AVEN: variants seen among roughly 807,000 people sequenced by gnomAD.
AVEN encodes apoptosis and caspase activation inhibitor.
AVEN carries 41 observed loss-of-function variants against 38.1 expected under a neutral mutation model. The observed-to-expected ratio is 1.08, with a 90% CI of 0.84 to 1.40. The LOEUF is 1.40. Among genes scored for constraint, AVEN ranks in the 40% most tolerant of loss-of-function variants. AVEN has a pLI of 0.00. For missense variants in AVEN, 605 were observed against 438.8 expected (o/e 1.38, Z -3.38); for synonymous variants, 206 against 171.8 (o/e 1.20, Z -1.56).
Position 33,921,412 on chromosome 15 carries a change from G to A in AVEN, c.446-45417C>T, listed in dbSNP as rs143789224. Among the ~76,000 whole-genome samples the A allele has an allele frequency of 4.0e-3, 530 of 130,890 alleles. 4 individuals are homozygous for A. Among genetic ancestry groups the A allele is most frequent in the African/African-American group, 0.013 (489 of 37,282 alleles). 85.9% of individuals were successfully genotyped at this position (130,890 alleles called of 152,430 possible). A position where few individuals can be genotyped will look rare whatever the true frequency, so the allele number is the denominator to read the frequency against. On this transcript the variant is annotated intron_variant, in intron 2 of 5. Transcript: ENST00000306730. ...TTCAGAACAGGTGAGATTTAATCTC[G>A]AATTGAGAGAACAGGGAGGAGAGTG...
At chr15:33,990,947 A>G (rs1280003212) in intron 2 of AVEN, 1 of 152,250 alleles carries the variant, frequency 6.6e-6, no homozygotes. Context: ...AACTAAAATC[A>G]GAAGATTTTT....
chr15:34,066,814 C>CAAAAAAAAAA, intron 2 of AVEN: 1 of 147,514 alleles, frequency 6.8e-6, no homozygotes. Context: ...GACCCTGCCT[C>CAAAAAAAAAA]AAAAAAAAAA....
intron 2 of AVEN, among the ~76,000 whole-genome samples, chr15:33,957,616 G>T (rs1050546415): frequency 2.6e-5 from 4 of 151,494 alleles, no homozygotes; most frequent in African/African-American, 9.7e-5. Context: ...CAGGAGAAAT[G>T]ATAAACAAAT....
chr15:33,944,332 T>C (rs1271707210), intron 2 of AVEN, among the ~76,000 whole-genome samples: 1 of 152,182 alleles, frequency 6.6e-6, no homozygotes. Flanking sequence ...CCACAAGACC[T>C]AGTTCAGTGC....
At chr15:33,866,040 G>GT (rs1890406240), downstream of AVEN, 1 of 154,392 alleles carries the variant, frequency 6.5e-6, no homozygotes, top group Non-Finnish European at 1.4e-5. Flanking sequence ...GAGCTGCTCT[G>GT]TTTAGGTGAA....
chr15:34,054,464 G>A (rs1900054010), intron 5 of AVEN, among the ~76,000 whole-genome samples: 1 of 152,048 alleles, frequency 6.6e-6, no homozygotes, highest in South Asian at 2.1e-4. Context: ...TAAAAAATGT[G>A]GTACAGATAC....
At chr15:33,961,601 C>G (rs192162940) in intron 2 of AVEN, among the ~76,000 whole-genome samples, 4 of 151,716 alleles carry the variant, frequency 2.6e-5, no homozygotes, top group Admixed American at 6.6e-5. Flanking sequence ...ATCACGAGGT[C>G]AGGAGATCGA....
chr15:33,870,553 T>A (rs187624261), intron 4 of AVEN, among the ~76,000 whole-genome samples: 1 of 152,314 alleles, frequency 6.6e-6, no homozygotes, highest in Admixed American at 6.5e-5. Flanking sequence ...GTGTGACTAT[T>A]TGATTAATAT....
upstream of AVEN, among the ~76,000 whole-genome samples, chr15:34,040,242 G>T (rs1899412278): frequency 6.6e-6 from 1 of 152,128 alleles, no homozygotes; most frequent in Admixed American, 6.5e-5. Flanking sequence ...CGTGTGAATA[G>T]ATGATTACAG....
intron 2 of AVEN, among the ~76,000 whole-genome samples, chr15:34,068,922 C>T (rs1242485176): frequency 6.6e-6 from 1 of 151,760 alleles, no homozygotes. Flanking sequence ...CGCCATTCTC[C>T]TGCCTCAGCC....
intron 2 of AVEN, among the ~76,000 whole-genome samples, chr15:33,951,444 G>C (rs1241087839): frequency 6.6e-6 from 1 of 151,730 alleles, no homozygotes; most frequent in Non-Finnish European, 1.5e-5. Flanking sequence ...GATAGCATTA[G>C]GAGAAATACC....
chr15:34,068,350 C>T (rs374683833), intron 2 of AVEN, among the ~76,000 whole-genome samples: 6 of 151,770 alleles, frequency 4.0e-5, no homozygotes, highest in East Asian at 1.9e-4. Context: ...GGATTACAGA[C>T]GCACGCCACC....
chr15:33,864,786 A>G (rs765514080), downstream of AVEN: 11 of 230,512 alleles, frequency 4.8e-5, no homozygotes, highest in East Asian at 9.5e-5. Context: ...TCAGCATGCA[A>G]TAAACGTTCC....
In AVEN at chr15:34,073,985, TC is replaced by T. The variant is rs1567498512; in HGVS notation, n.720+450del. ...TTGGAGGAACTTTCTTTTTTCTTCT[TC>T]TTCTTTTTTTTTTTTTTTTTTTTTT... On this transcript the variant is annotated intron_variant and non_coding_transcript_variant, in intron 1 of 11. Coordinates refer to the AVEN transcript ENST00000675287. Among the ~76,000 whole-genome samples the T allele has an allele frequency of 5.7e-3, 245 of 42,860 alleles. 2 individuals carry two copies. The highest frequency in any genetic ancestry group is 9.7e-3 in the African/African-American group (234 of 24,038). The allele number at this position is 42,860 out of a possible 152,430, so 28.1% of individuals were successfully genotyped here. A position where few individuals can be genotyped will look rare whatever the true frequency, so the allele number is the denominator to read the frequency against.
intron 2 of AVEN, among the ~76,000 whole-genome samples, chr15:34,069,746 A>AT (rs565344722): frequency 6.6e-6 from 1 of 152,066 alleles, no homozygotes; most frequent in Non-Finnish European, 1.5e-5. Flanking sequence ...GCTTTTGTTA[A>AT]TTTTTTTGAT....
chr15:33,921,238 ATCT>A (rs1473471779), intron 2 of AVEN, among the ~76,000 whole-genome samples: 2 of 152,218 alleles, frequency 1.3e-5, no homozygotes, highest in Non-Finnish European at 2.9e-5. Flanking sequence ...ATAAAGATTA[ATCT>A]TCTCAGTACT....
chr15:33,867,420 G>C, intron 5 of AVEN, 75 bp downstream of exon 5: 3 of 1,514,420 alleles, frequency 2.0e-6, no homozygotes, highest in South Asian at 1.3e-5. Context: ...GATGTGTGCG[G>C]ATGTGATGCG....
intron 1 of AVEN, among the ~76,000 whole-genome samples, chr15:34,030,617 C>G (rs976129501): frequency 1.3e-5 from 2 of 149,528 alleles, no homozygotes; most frequent in Non-Finnish European, 3.0e-5. Context: ...TGTGAGCCAC[C>G]ACGCCCAGCC....
At chr15:33,914,693 A>G (rs557767155) in intron 2 of AVEN, among the ~76,000 whole-genome samples, 8 of 151,542 alleles carry the variant, frequency 5.3e-5, no homozygotes, top group Non-Finnish European at 8.8e-5. Flanking sequence ...ACAAACATGG[A>G]GCAGGAGAAG....
Sources: gnomAD v4.1 joint callset for allele counts (sites outside exome capture counted in the v4.1 genomes callset) on GRCh38, gnomAD v4.1.1 for gene constraint, MANE v1.5 for transcripts, NCBI Gene and HGNC (gene_info 2026-07-23, HGNC 2026-07-21) for gene names.